The following TRAPPC9 variants were observed in gnomAD, a reference collection of about 807,000 sequenced individuals.
TRAPPC9 encodes trafficking protein particle complex subunit 9.
In TRAPPC9, 83 loss-of-function variants were observed where a neutral mutation model predicts 124.0. The ratio of observed to expected loss-of-function variants is 0.67; its 90% confidence interval spans 0.56 to 0.80. TRAPPC9 has a LOEUF of 0.80. Among genes scored for constraint, TRAPPC9 ranks in the 30% least tolerant of loss-of-function variants. The probability of loss-of-function intolerance (pLI) is 0.00; values close to 1 mark genes in which losing one functional copy is unlikely to be tolerated. For missense variants in TRAPPC9, 1,302 were observed against 1,508.3 expected, an observed-to-expected ratio of 0.86 and a Z score of 2.27; for synonymous variants, 638 against 617.5, an observed-to-expected ratio of 1.03 and a Z score of -0.49.
intron 16 of TRAPPC9, among the ~76,000 whole-genome samples, chr8:140,235,966 A>T (rs1386968650): frequency 2.0e-5 from 3 of 152,236 alleles, no homozygotes; most frequent in Non-Finnish European, 2.9e-5. Flanking sequence ...GGAAGAAGGA[A>T]AAAAACAAGA....
At chr8:140,125,839 G>A (rs557333944) in intron 17 of TRAPPC9, among the ~76,000 whole-genome samples, 4 of 152,088 alleles carry the variant, frequency 2.6e-5, no homozygotes, top group East Asian at 1.9e-4. Flanking sequence ...GAGAAACAAC[G>A]ATTAGACATC....
chr8:140,354,693 T>C (rs2067686082), intron 9 of TRAPPC9, among the ~76,000 whole-genome samples: 1 of 152,192 alleles, frequency 6.6e-6, no homozygotes, highest in African/African-American at 2.4e-5. Context: ...TGCAGCAAAA[T>C]TTAGAAATGT....
At chr8:140,251,722 C>T (rs2064136021) in intron 16 of TRAPPC9, among the ~76,000 whole-genome samples, 1 of 152,102 alleles carries the variant, frequency 6.6e-6, no homozygotes, top group African/African-American at 2.4e-5. Flanking sequence ...AGATGGAGCC[C>T]CCTCTATGAG....
chr8:139,839,399 C>CA (rs1447220461), intron 21 of TRAPPC9, among the ~76,000 whole-genome samples: 2 of 152,202 alleles, frequency 1.3e-5, no homozygotes, highest in East Asian at 3.9e-4. Context: ...TGGCTTTCGA[C>CA]AAGCCAAGTC....
chr8:139,851,786 G>C (rs977759835), intron 21 of TRAPPC9, among the ~76,000 whole-genome samples: 29 of 152,334 alleles, frequency 1.9e-4, no homozygotes, highest in African/African-American at 6.7e-4. Context: ...AGAGAAGCCT[G>C]AGCTGGCACC....
intron 18 of TRAPPC9, among the ~76,000 whole-genome samples, chr8:140,008,132 T>C (rs917261199): frequency 6.6e-6 from 1 of 152,232 alleles, no homozygotes; most frequent in Non-Finnish European, 1.5e-5. Context: ...GTGTTCATCA[T>C]CTCAGGGCAC....
chr8:140,455,912 T>C (rs1253065637), intron 1 of TRAPPC9, among the ~76,000 whole-genome samples: 1 of 152,122 alleles, frequency 6.6e-6, no homozygotes, highest in Non-Finnish European at 1.5e-5. Context: ...AGAAGCTAAA[T>C]ACAAAAGGCC....
At chr8:139,790,559 G>A (rs1822589125) in intron 21 of TRAPPC9, among the ~76,000 whole-genome samples, 1 of 152,202 alleles carries the variant, frequency 6.6e-6, no homozygotes. Context: ...CCTGCCCCTG[G>A]GGAGACACTT....
chr8:139,776,165 A>G lies in TRAPPC9; in HGVS notation c.3056-43963T>C, dbSNP rs992646426. 2.0e-5 allele frequency among the ~76,000 whole-genome samples: 3 copies of G among 152,142 alleles called. No homozygotes were observed. Among genetic ancestry groups the G allele is most frequent in the African/African-American group, 7.2e-5 (3 of 41,434 alleles). ...CACGTGCTAGTCATGGGGGCTTGGG[A>G]CCCAGCCTCAGTCTCTGGGCTCCCC... On this transcript the variant is annotated intron_variant, in intron 21 of 22. Coordinates refer to ENST00000438773, the MANE Select transcript of TRAPPC9 (RefSeq NM_001160372.4). The surrounding 1 kb of genome is among the most constrained non-coding windows in gnomAD (Gnocchi z 4.1).
intron 8 of TRAPPC9, among the ~76,000 whole-genome samples, chr8:140,370,424 G>T (rs1029467372): frequency 1.3e-5 from 2 of 152,136 alleles, no homozygotes; most frequent in African/African-American, 4.8e-5. Context: ...ACAGGAGTGA[G>T]CCACCGTGCC....
chr8:140,209,942 T>C (rs578246254), intron 17 of TRAPPC9, among the ~76,000 whole-genome samples: 1 of 152,258 alleles, frequency 6.6e-6, no homozygotes, highest in Non-Finnish European at 1.5e-5. Flanking sequence ...GAATTTTAAC[T>C]TCTACTTAGT....
At chr8:140,296,349 C>T (rs1230349890) in intron 11 of TRAPPC9, among the ~76,000 whole-genome samples, 1 of 152,202 alleles carries the variant, frequency 6.6e-6, no homozygotes, top group Admixed American at 6.5e-5. Context: ...ACTATAGCCT[C>T]GACCTCCCAG....
At chr8:140,026,811 A>C (rs765644292) in intron 17 of TRAPPC9, among the ~76,000 whole-genome samples, 2 of 152,176 alleles carry the variant, frequency 1.3e-5, no homozygotes, top group African/African-American at 4.8e-5. Context: ...AAATATTACT[A>C]CTCGACAGCC....
chr8:139,796,527 G>A (rs536263161), intron 21 of TRAPPC9, among the ~76,000 whole-genome samples: 5 of 152,264 alleles, frequency 3.3e-5, no homozygotes, highest in South Asian at 2.1e-4. Context: ...TGTGCCTGGC[G>A]TTTTTCACTT....
At chr8:140,095,525 C>T (rs1844879229) in intron 17 of TRAPPC9, 1 of 152,208 alleles carries the variant, frequency 6.6e-6, no homozygotes, top group Non-Finnish European at 1.5e-5. Flanking sequence ...AGGGGACCCG[C>T]TCCCCAGAAG....
chr8:139,957,362 G>A (rs1835062665), intron 19 of TRAPPC9, among the ~76,000 whole-genome samples: 2 of 152,228 alleles, frequency 1.3e-5, no homozygotes, highest in African/African-American at 4.8e-5. Flanking sequence ...CAGGCAACCT[G>A]TATCGCTCTA....
intron 9 of TRAPPC9, among the ~76,000 whole-genome samples, chr8:140,319,849 C>T (rs543290038): frequency 4.9e-4 from 74 of 152,320 alleles, no homozygotes; most frequent in African/African-American, 1.7e-3. Context: ...ATCACCAAAA[C>T]TTTGGATCAG....
rs538322338 is a variant in TRAPPC9, at chr8:139,945,423, A to G, written c.2811-35123T>C. Among the ~76,000 whole-genome samples, 77 of 152,176 alleles carry G rather than the reference A, an allele frequency of 5.1e-4. 1 individual carries two copies. The South Asian group carries it at 0.016, about 31-fold the overall frequency. On this transcript the variant is annotated intron_variant, in intron 19 of 22. Coordinates refer to ENST00000438773, the MANE Select transcript of TRAPPC9 (RefSeq NM_001160372.4). ...AATACTCACCAACATATGAGGATAC[A>G]ATCAAAGAACTTCAAAATACACAAA...
chr8:139,731,046 CG>C lies in TRAPPC9; in HGVS notation c.*14del. On this transcript the variant is annotated 3_prime_UTR_variant, in exon 23 of 23. Transcript: ENST00000438773. Reference sequence around the variant, plus strand: ...ACCTCTGGCCCTGCAGAAAGAGGGACGGAAGTAGGCGGGCTCAGGCCTGCGC... The same window carrying C: ...ACCTCTGGCCCTGCAGAAAGAGGGACGAAGTAGGCGGGCTCAGGCCTGCGC... The C allele has an allele frequency of 6.2e-7, 1 of 1,611,232 alleles. No homozygotes were observed. Among genetic ancestry groups the C allele is most frequent in the Non-Finnish European group, 8.5e-7 (1 of 1,179,652 alleles).
Sources: gnomAD v4.1 joint callset for allele counts (sites outside exome capture counted in the v4.1 genomes callset) on GRCh38, gnomAD v4.1.1 for gene constraint, Gnocchi (gnomAD v3.1) non-coding constraint, MANE v1.5 for transcripts, NCBI Gene and HGNC (gene_info 2026-07-23, HGNC 2026-07-21) for gene names.